Variants in SYTL2 observed in about 807,000 individuals in gnomAD.
SYTL2 encodes synaptotagmin like 2, also known as synaptotagmin-like protein 2.
A neutral mutation model predicts 198.7 loss-of-function variants in SYTL2; 165 were observed. That is an observed-to-expected ratio of 0.83 (90% CI 0.73 to 0.94). SYTL2 has a LOEUF of 0.94. SYTL2 is among the 40% of genes least tolerant of loss of function. The probability of loss-of-function intolerance (pLI) is 0.00; values close to 1 mark genes in which losing one functional copy is unlikely to be tolerated. For missense variants in SYTL2, 2,835 were observed against 2,582.8 expected (o/e 1.10, Z -2.12); for synonymous variants, 966 against 917.7 (o/e 1.05, Z -0.95).
At chr11:85,819,998 G>A in the SYTL2 span, among the ~76,000 whole-genome samples, 2 of 152,190 alleles carry the variant, frequency 1.3e-5, no homozygotes, top group Non-Finnish European at 2.9e-5. Flanking sequence ...GAATTTTTGA[G>A]AACTTCACCA....
intron 15 of SYTL2, among the ~76,000 whole-genome samples, chr11:85,707,204 T>G (rs1051997972): frequency 2.0e-5 from 3 of 152,190 alleles, no homozygotes; most frequent in African/African-American, 7.2e-5. Flanking sequence ...ATCTGTGAGA[T>G]GCAGATACCA....
chr11:85,719,005 G>C (rs2087830849), intron 9 of SYTL2, 162 bp from the exon 10 acceptor site: 2 of 1,528,558 alleles, frequency 1.3e-6, no homozygotes, highest in Admixed American at 2.0e-5. Flanking sequence ...CTTTAGATTA[G>C]CTCCTTGAGC....
chr11:85,749,016 G>A (rs977711484), intron 2 of SYTL2, among the ~76,000 whole-genome samples: 1 of 152,220 alleles, frequency 6.6e-6, no homozygotes, highest in Non-Finnish European at 1.5e-5. Context: ...TTAGGGAAAG[G>A]CATCTTTAAA....
At chr11:85,719,300 C>T in intron 9 of SYTL2, 1 of 1,160,832 alleles carries the variant, frequency 8.6e-7, no homozygotes, top group Non-Finnish European at 1.1e-6. Flanking sequence ...AGAGATGTAA[C>T]TGGGGACCAG....
intron 1 of SYTL2, among the ~76,000 whole-genome samples, chr11:85,808,970 C>T (rs2092996531): frequency 6.6e-6 from 1 of 151,990 alleles, no homozygotes; most frequent in African/African-American, 2.4e-5. Flanking sequence ...AACATATTTC[C>T]AGGGAGCTCT....
At chr11:85,753,696 T>C (rs1247237528) in intron 2 of SYTL2, among the ~76,000 whole-genome samples, 1 of 149,518 alleles carries the variant, frequency 6.7e-6, no homozygotes, top group African/African-American at 2.5e-5. Context: ...GCCCAGGAGT[T>C]GGAGGCTGCA....
At position 85,725,107 on chromosome 11, in the gene SYTL2, T is replaced by C. The variant is rs761533816; in HGVS notation, c.4251A>G (p.Ile1417Met). 1.2e-6 allele frequency: 2 copies of C among 1,614,186 alleles called. No individual in the cohort carries two copies. Among genetic ancestry groups the C allele is most frequent in the South Asian group, 1.1e-5 (1 of 91,078 alleles). Residue 1417 changes from isoleucine to methionine, a missense_variant, in exon 8 of 20, where the codon ATA (isoleucine) becomes ATG (methionine). By Grantham distance (10) the Ile-to-Met change is conservative. Around this residue, in one of 3 missense-constraint regions of SYTL2, gnomAD observed 2,645 missense variants for 2,381.7 expected, o/e 1.11. Transcript: ENST00000359152. Reference sequence around the variant, plus strand: ...TGGTGTCCATCGTAGCCCATGGTGATATCACTCCTGGAGGATTTAGGGGGC... The same window carrying C: ...TGGTGTCCATCGTAGCCCATGGTGACATCACTCCTGGAGGATTTAGGGGGC... ...VCSPLNPPGV[I>M]SPWATMDTIV...
At chr11:85,844,627 AGAGAT>A in the SYTL2 span, among the ~76,000 whole-genome samples, 3 of 152,212 alleles carry the variant, frequency 2.0e-5, no homozygotes, top group African/African-American at 7.2e-5. Context: ...CTTGAGCCAA[AGAGAT>A]GAGGTCATTC....
chr11:85,717,364 G>T, intron 11 of SYTL2, 119 bp downstream of exon 11: 1 of 782,842 alleles, frequency 1.3e-6, no homozygotes, highest in Non-Finnish European at 2.2e-6. Context: ...AGCTTTGCAA[G>T]CTGCAGGAGT....
At chr11:85,823,956 T>G in the SYTL2 span, among the ~76,000 whole-genome samples, 1 of 152,172 alleles carries the variant, frequency 6.6e-6, no homozygotes, top group Non-Finnish European at 1.5e-5. Flanking sequence ...CAAGTAACAA[T>G]TCTGGGACTT....
chr11:85,699,965 G>C (rs1046795712), intron 17 of SYTL2, among the ~76,000 whole-genome samples: 2 of 152,118 alleles, frequency 1.3e-5, no homozygotes, highest in Non-Finnish European at 2.9e-5. Flanking sequence ...AGAACACTCA[G>C]GTTCTATTCT....
chr11:85,825,387 CAAA>C, the SYTL2 span, among the ~76,000 whole-genome samples: 2 of 118,800 alleles, frequency 1.7e-5, no homozygotes, highest in Non-Finnish European at 3.4e-5. Flanking sequence ...GACTCCGTCT[CAAA>C]AAAAAAAAAA....
At position 85,727,845 on chromosome 11, in the gene SYTL2, C is replaced by A. The variant is rs1359295131; in HGVS notation, c.1513G>T (p.Gly505Cys). 1.2e-6 allele frequency: 2 copies of A among 1,611,922 alleles called. No individual in the cohort carries two copies. The highest frequency in any genetic ancestry group is 1.3e-5 in the African/African-American group (1 of 74,738). ...TTCTTTATCTCAGTGGCATATGGAC[C>A]AGAACGTGAAGATGTCTTAGCTTTT... is the stretch of plus-strand genomic sequence containing the variant. ...ALKAKTSSRSGPYATEIKKST... is the reference protein window; with the variant it reads ...ALKAKTSSRSCPYATEIKKST... The change falls in exon 8 of 20, where the codon GGT (glycine) becomes TGT (cysteine). Residue 505 changes from glycine to cysteine, a missense_variant. Gly to Cys is a radical substitution (Grantham distance 159). Transcript: ENST00000359152.
chr11:85,706,336 A>G (rs1436321073), intron 15 of SYTL2, among the ~76,000 whole-genome samples: 1 of 152,230 alleles, frequency 6.6e-6, no homozygotes, highest in East Asian at 1.9e-4. Context: ...CACAGTTTAC[A>G]AACAACACCA....
chr11:85,724,046 C>A lies in SYTL2; in HGVS notation c.5312G>T (p.Trp1771Leu). Reference sequence around the variant, plus strand: ...TAAATGCTCACTGGAAGGATTTCTCCAGCTCTCTGCATTAGAACTGGTGTT... The same window carrying A: ...TAAATGCTCACTGGAAGGATTTCTCAAGCTCTCTGCATTAGAACTGGTGTT... ...DGNTSSNAES[W>L]RNPSSSEEEP... The change falls in exon 8 of 20, where the codon TGG becomes TTG. Residue 1771 changes from tryptophan to leucine, a missense_variant. Physicochemically the swap from Trp to Leu is moderately conservative, Grantham distance 61. This residue lies in a region of SYTL2 where 2,645 missense variants were observed against 2,381.7 expected (regional missense o/e 1.11). Transcript: ENST00000359152. The A allele has an allele frequency of 6.7e-7, 1 of 1,486,954 alleles. No homozygotes were observed. 92.1% of individuals were successfully genotyped at this position (1,486,954 alleles called of 1,614,324 possible).
chr11:85,740,049 A>ACT (rs1381520621), intron 4 of SYTL2, among the ~76,000 whole-genome samples: 3 of 152,078 alleles, frequency 2.0e-5, no homozygotes, highest in Non-Finnish European at 2.9e-5. Flanking sequence ...ACGTTCTACC[A>ACT]CTACGCTGGA....
At chr11:85,721,467 T>C (rs2088300408) in intron 8 of SYTL2, among the ~76,000 whole-genome samples, 2 of 152,052 alleles carry the variant, frequency 1.3e-5, no homozygotes, top group South Asian at 2.1e-4. Context: ...TAATTTCCAA[T>C]GAAATGTTGG....
In SYTL2 at chr11:85,704,766, T is replaced by C. The variant is rs144219374; in HGVS notation, c.6189+92A>G. 1.0e-3 allele frequency: 1,049 copies of C among 1,022,270 alleles called. 9 individuals carry two copies. The African/African-American group carries it at 0.015, about 14-fold the overall frequency. 63.3% of individuals were successfully genotyped at this position (1,022,270 alleles called of 1,614,324 possible). On this transcript the variant is annotated intron_variant, in intron 16 of 19. Transcript: ENST00000359152. ...TTAAAATTCTCCCAAACTACAGATC[T>C]GTACTCTGAATTAAATGCAATTAAG...
At chr11:85,759,245 CA>C (rs752168650) in intron 1 of SYTL2, among the ~76,000 whole-genome samples, 143 of 58,468 alleles carry the variant, frequency 2.4e-3, no homozygotes, top group Admixed American at 4.0e-3. Context: ...GACTCCTTAT[CA>C]AAAAAAAAAA....
Sources: allele counts gnomAD v4.1 joint callset (sites outside exome capture counted in the v4.1 genomes callset), GRCh38; gene constraint gnomAD v4.1.1; regional missense constraint gnomAD v4.1.1; transcripts MANE v1.5; gene names NCBI Gene and HGNC (gene_info 2026-07-23, HGNC 2026-07-21).